CCDC171: variants seen among roughly 807,000 people sequenced by gnomAD.
CCDC171 encodes the protein coiled-coil domain-containing protein 171.
A neutral mutation model predicts 168.2 loss-of-function variants in CCDC171; 177 were observed. The observed-to-expected ratio is 1.05, with a 90% CI of 0.93 to 1.19. CCDC171 has a LOEUF of 1.19. CCDC171 is among the 50% of genes most tolerant of loss of function. The pLI, the probability that CCDC171 is intolerant of heterozygous loss-of-function variation, is 0.00. For missense variants in CCDC171, 1,991 were observed against 1,539.0 expected (o/e 1.29, Z -4.91); for synonymous variants, 687 against 540.8 (o/e 1.27, Z -3.75).
chr9:15,944,437 A>G (rs1828064994), intron 25 of CCDC171, among the ~76,000 whole-genome samples: 1 of 152,040 alleles, frequency 6.6e-6, no homozygotes, highest in Non-Finnish European at 1.5e-5. Flanking sequence ...GAGGAGAAGG[A>G]TTAGCTAACA....
At chr9:16,103,066 G>T in the CCDC171 span, among the ~76,000 whole-genome samples, 1 of 152,310 alleles carries the variant, frequency 6.6e-6, no homozygotes, top group East Asian at 1.9e-4. Flanking sequence ...ACCTCCTGAG[G>T]GGACCTGCAG....
At chr9:15,859,488 G>T (rs1317450956) in intron 23 of CCDC171, among the ~76,000 whole-genome samples, 1 of 151,770 alleles carries the variant, frequency 6.6e-6, no homozygotes, top group South Asian at 2.1e-4. Flanking sequence ...TTGTTTTATA[G>T]AATTCATCAG....
In CCDC171 at chr9:15,724,960, T is replaced by C. The variant is rs1193100171; in HGVS notation, c.1676T>C (p.Phe559Ser). ...GAACTGCAGAAGCTTTCCCAGGCTTTCCATAAGGATGCAGAGGTATTACCT... is the reference window on the plus strand; with the variant it reads ...GAACTGCAGAAGCTTTCCCAGGCTTCCCATAAGGATGCAGAGGTATTACCT... The part of the protein sequence containing the change: ...ESELQKLSQA[F>S]HKDAEEKLTF... The change falls in exon 14 of 26, where the codon TTC becomes TCC. Residue 559 changes from phenylalanine to serine, a missense_variant. By Grantham distance (155) the Phe-to-Ser change is radical. Transcript: ENST00000380701. The C allele has an allele frequency of 1.5e-5, 24 of 1,613,624 alleles. No individual in the cohort carries two copies. Among genetic ancestry groups the C allele is most frequent in the Non-Finnish European group, 2.0e-5 (24 of 1,179,718 alleles).
chr9:15,665,782 TAAAA>T (rs1230397169), intron 8 of CCDC171, among the ~76,000 whole-genome samples: 1 of 152,134 alleles, frequency 6.6e-6, no homozygotes, highest in Admixed American at 6.5e-5. Context: ...CCTTGTCTCT[TAAAA>T]AACCCAAACA....
Position 15,634,807 on chromosome 9 carries a change from C to T in CCDC171, c.822+11394C>T, listed in dbSNP as rs528782439. Among the ~76,000 whole-genome samples, 9 of 152,226 alleles carry T rather than the reference C, an allele frequency of 5.9e-5. No individual in the cohort carries two copies. The East Asian group carries it at 1.5e-3, about 26-fold the overall frequency. ...GCTCATTAGCCATCACTTTCCTATT[C>T]CCCTTTCCTCTCATCCCTAAGCAAC... On this transcript the variant is annotated intron_variant, in intron 7 of 25. Transcript: ENST00000380701.
intron 9 of CCDC171, among the ~76,000 whole-genome samples, chr9:15,674,195 C>T (rs546201962): frequency 6.6e-5 from 10 of 152,118 alleles, no homozygotes; most frequent in African/African-American, 2.2e-4. Context: ...TCTGTGGGAT[C>T]GGTGGTGAGA....
intron 23 of CCDC171, among the ~76,000 whole-genome samples, chr9:15,854,121 T>C (rs1261956420): frequency 6.6e-6 from 1 of 151,060 alleles, no homozygotes; most frequent in African/African-American, 2.4e-5. Context: ...TCTCATAGAA[T>C]AGGTTAGGAG....
At chr9:15,553,031 G>A (rs2038464388), upstream of CCDC171, 2 of 152,720 alleles carry the variant, frequency 1.3e-5, no homozygotes, top group Non-Finnish European at 1.5e-5. Flanking sequence ...GGCCTGAGTT[G>A]GGCTGACCTG....
chr9:15,594,579 C>T (rs72706648), intron 6 of CCDC171, among the ~76,000 whole-genome samples: 3,857 of 152,074 alleles, frequency 0.025, 79 homozygotes, highest in Non-Finnish European at 0.04. Context: ...CTTAATTATC[C>T]TCTATTCCTC....
At chr9:15,917,256 C>G (rs2131941575) in intron 24 of CCDC171, among the ~76,000 whole-genome samples, 1 of 151,944 alleles carries the variant, frequency 6.6e-6, no homozygotes, top group South Asian at 2.1e-4. Context: ...ACTCCTCATA[C>G]CTTCCAGTTT....
chr9:15,971,934 T>G lies in CCDC171; in HGVS notation c.*98T>G. On this transcript the variant is annotated 3_prime_UTR_variant, in exon 26 of 26. Transcript: ENST00000380701. The stretch of plus-strand genomic sequence containing the variant: ...CAGTTGACTTTTGTTTCAGCAGAAG[T>G]GGCAGTGGATTTAAAAAATTTGTGC... 1 of 1,051,144 alleles carries G rather than the reference T, an allele frequency of 9.5e-7. No homozygotes were observed. 65.1% of individuals were successfully genotyped at this position (1,051,144 alleles called of 1,614,324 possible). A position where few individuals can be genotyped will look rare whatever the true frequency, so the allele number is the denominator to read the frequency against.
chr9:15,705,421 A>T (rs974576292), intron 11 of CCDC171, among the ~76,000 whole-genome samples: 2 of 149,912 alleles, frequency 1.3e-5, no homozygotes, highest in Non-Finnish European at 3.0e-5. Flanking sequence ...ACCTCCCACT[A>T]CTCTCCCCTC....
the CCDC171 span, among the ~76,000 whole-genome samples, chr9:16,101,655 A>G: frequency 6.6e-6 from 1 of 152,276 alleles, no homozygotes. Flanking sequence ...AAAGGAAGTC[A>G]GGCCTTTGAA....
intron 18 of CCDC171, among the ~76,000 whole-genome samples, chr9:15,764,860 T>G (rs898263619): frequency 3.9e-5 from 6 of 152,144 alleles, no homozygotes; most frequent in Non-Finnish European, 8.8e-5. Context: ...CACCCAGATT[T>G]TGGCTGGGGT....
intron 1 of CCDC171, chr9:16,043,060 G>C (rs1833598913): frequency 6.6e-6 from 1 of 152,154 alleles, no homozygotes; most frequent in African/African-American, 2.4e-5. Flanking sequence ...TCAGATGAGT[G>C]TTAAGCCAGG....
At chr9:15,670,657 A>G (rs2049046139) in intron 9 of CCDC171, among the ~76,000 whole-genome samples, 1 of 151,916 alleles carries the variant, frequency 6.6e-6, no homozygotes, top group African/African-American at 2.4e-5. Context: ...TCCTTTCCAT[A>G]GAGTTATATT....
At chr9:15,808,600 A>C (rs1466463228) in intron 21 of CCDC171, among the ~76,000 whole-genome samples, 1 of 152,078 alleles carries the variant, frequency 6.6e-6, no homozygotes, top group Non-Finnish European at 1.5e-5. Context: ...TTCAGAGAGC[A>C]GGGTGCTTGA....
chr9:15,559,722 C>A (rs770575678), intron 1 of CCDC171, among the ~76,000 whole-genome samples: 6 of 152,076 alleles, frequency 3.9e-5, no homozygotes, highest in Non-Finnish European at 8.8e-5. Flanking sequence ...AGCATTTAGC[C>A]CATTTACATT....
intron 9 of CCDC171, among the ~76,000 whole-genome samples, chr9:15,675,008 G>A (rs1192881619): frequency 6.6e-6 from 1 of 151,990 alleles, no homozygotes; most frequent in Admixed American, 6.6e-5. Flanking sequence ...TCTCTTTGTA[G>A]GTCTCTAAGG....
Sources: allele counts gnomAD v4.1 joint callset (sites outside exome capture counted in the v4.1 genomes callset), GRCh38; gene constraint gnomAD v4.1.1; transcripts MANE v1.5; gene names NCBI Gene and HGNC (gene_info 2026-07-23, HGNC 2026-07-21).